Variants in FARP2 observed in about 807,000 individuals in gnomAD.
FARP2 encodes the protein FERM, ARH/RhoGEF and pleckstrin domain protein 2.
A neutral mutation model predicts 130.5 loss-of-function variants in FARP2; 111 were observed. The ratio of observed to expected loss-of-function variants is 0.85; its 90% CI spans 0.73 to 1.00. The LOEUF (loss-of-function observed/expected upper bound fraction) is 1.00, where lower values mean the gene tolerates loss of function less well. Ranked by LOEUF, FARP2 falls within the 50% of genes least tolerant of loss-of-function variation. The pLI, the probability that FARP2 is intolerant of heterozygous loss-of-function variation, is 0.00. For synonymous variants in FARP2, 504 were observed against 516.9 expected, an observed-to-expected ratio of 0.98 and a Z score of 0.34; for missense variants, 1,385 against 1,346.3, an observed-to-expected ratio of 1.03 and a Z score of -0.45.
Position 241,434,297 on chromosome 2 carries a change from G to A in FARP2, c.1007G>A (p.Ser336Asn). The A allele has an allele frequency of 6.2e-7, 1 of 1,612,726 alleles. No individual in the cohort carries two copies. Among genetic ancestry groups the A allele is most frequent in the Non-Finnish European group, 8.5e-7 (1 of 1,179,570 alleles). Reference protein sequence around the residue: ...PKPKAKAVFFSRGSSFRYSGR... With the variant: ...PKPKAKAVFFNRGSSFRYSGR... ...CCAAAAGCAAAAGCCGTCTTCTTCA[G>A]CCGGGGCTCCTCCTTCAGATACAGG... Residue 336 changes from serine to asparagine, a missense_variant, in exon 10 of 27, where the codon AGC (serine) becomes AAC (asparagine). Transcript: ENST00000264042.
chr2:241,450,141 C>T (rs750442607), intron 13 of FARP2, among the ~76,000 whole-genome samples: 6 of 152,162 alleles, frequency 3.9e-5, no homozygotes, highest in Middle Eastern at 3.4e-3. Context: ...CATTTTAGCC[C>T]AGGGAGGGAG....
intron 13 of FARP2, chr2:241,443,624 T>C (rs1333330625): frequency 6.6e-6 from 1 of 152,230 alleles, no homozygotes; most frequent in African/African-American, 2.4e-5. Context: ...TCAAGGCTGA[T>C]GTTTGTGGCA....
chr2:241,423,806 T>G (rs1203626048), intron 8 of FARP2, among the ~76,000 whole-genome samples: 1 of 152,124 alleles, frequency 6.6e-6, no homozygotes, highest in Non-Finnish European at 1.5e-5. Context: ...AAACAAGGCT[T>G]GCAATCCTAG....
At chr2:241,481,360 T>G (rs1210910858) in intron 19 of FARP2, among the ~76,000 whole-genome samples, 1 of 152,218 alleles carries the variant, frequency 6.6e-6, no homozygotes, top group African/African-American at 2.4e-5. Context: ...ACTCTCAACA[T>G]AAAAAATTGT....
intron 2 of FARP2, among the ~76,000 whole-genome samples, chr2:241,394,392 C>T (rs1414544293): frequency 6.6e-6 from 1 of 152,044 alleles, no homozygotes; most frequent in East Asian, 1.9e-4. Flanking sequence ...ATGGCGGGCA[C>T]CTGTAGTCCC....
chr2:241,468,019 C>A, intron 17 of FARP2, 121 bp from the exon 18 acceptor site: 1 of 753,192 alleles, frequency 1.3e-6, no homozygotes, highest in Admixed American at 1.9e-5. Context: ...CACGCTGGGC[C>A]ACTGGTCCAT....
At chr2:241,448,181 C>G (rs1162868149) in intron 13 of FARP2, among the ~76,000 whole-genome samples, 2 of 152,150 alleles carry the variant, frequency 1.3e-5, no homozygotes, top group Non-Finnish European at 2.9e-5. Flanking sequence ...CCAGGGGCCT[C>G]ACTTACCCCC....
chr2:241,417,013 G>A (rs1559750058), intron 7 of FARP2, among the ~76,000 whole-genome samples: 1 of 152,058 alleles, frequency 6.6e-6, no homozygotes, highest in South Asian at 2.1e-4. Context: ...AAGATGAAAA[G>A]GAGATGGCCG....
At chr2:241,492,240 G>T (rs2064945169) in intron 24 of FARP2, among the ~76,000 whole-genome samples, 1 of 152,134 alleles carries the variant, frequency 6.6e-6, no homozygotes, top group South Asian at 2.1e-4. Context: ...AGGGGCTCAG[G>T]AGCTACCCCA....
intron 18 of FARP2, among the ~76,000 whole-genome samples, chr2:241,473,892 A>T (rs1432665046): frequency 6.6e-6 from 1 of 152,228 alleles, no homozygotes; most frequent in Non-Finnish European, 1.5e-5. Context: ...GGTATCATTG[A>T]CAGAAAGTGA....
At chr2:241,438,281 A>G (rs948213457) in intron 12 of FARP2, among the ~76,000 whole-genome samples, 27 of 152,308 alleles carry the variant, frequency 1.8e-4, no homozygotes, top group African/African-American at 6.0e-4. Flanking sequence ...TGAACTGGGC[A>G]CAATGGCTCA....
rs751457751 is a variant in FARP2, at chr2:241,482,563, C to T, written c.2263-902C>T. On this transcript the variant is annotated intron_variant, in intron 19 of 26. Coordinates refer to ENST00000264042, the MANE Select transcript of FARP2 (RefSeq NM_014808.4). The surrounding 1 kb of genome is among the most constrained non-coding windows in gnomAD (Gnocchi z 4.6). ...TTAGTTACCGGCCCCATCCAGTTAA[C>T]GCAAATGCATCCATATGACCACCTT... is the stretch of plus-strand genomic sequence containing the variant. 9.2e-5 allele frequency among the ~76,000 whole-genome samples: 14 copies of T among 152,330 alleles called. No individual in the cohort carries two copies. Among genetic ancestry groups the T allele is most frequent in the East Asian group, 1.9e-4 (1 of 5,192 alleles).
rs996483828 is a variant in FARP2, at chr2:241,475,240, G to C, written c.2132-617G>C. Among the ~76,000 whole-genome samples, 10 of 152,350 alleles carry C rather than the reference G, an allele frequency of 6.6e-5. No homozygotes were observed. Among genetic ancestry groups the C allele is most frequent in the Admixed American group, 6.5e-4 (10 of 15,308 alleles). On this transcript the variant is annotated intron_variant, in intron 18 of 26. Transcript: ENST00000264042. This position sits in a 1 kb window ranked among gnomAD's most constrained non-coding sequence, Gnocchi z 4.4. Reference sequence around the variant, plus strand: ...AAACCAGAATATGGGCTGGCCAACAGTTTGGGTTGAACAACCTGAAGGCCT... The same window carrying C: ...AAACCAGAATATGGGCTGGCCAACACTTTGGGTTGAACAACCTGAAGGCCT...
In FARP2 at chr2:241,453,420, A is replaced by G. The variant is rs190355899; in HGVS notation, c.1412-3327A>G. On this transcript the variant is annotated intron_variant, in intron 13 of 26. Coordinates refer to ENST00000264042, the MANE Select transcript of FARP2 (RefSeq NM_014808.4). ...GGCAGATCACAAGGTCAGGAGATCG[A>G]GACCATCCTGGCTAACATGGTGAAA... Among the ~76,000 whole-genome samples the G allele has an allele frequency of 2.1e-3, 317 of 152,106 alleles. 2 individuals are homozygous for G. The highest frequency in any genetic ancestry group is 3.9e-3 in the Non-Finnish European group (262 of 68,008).
At chr2:241,477,423 C>T (rs930041365) in intron 19 of FARP2, among the ~76,000 whole-genome samples, 7 of 152,096 alleles carry the variant, frequency 4.6e-5, no homozygotes, top group Admixed American at 2.0e-4. Context: ...CCACCGTGCC[C>T]GGCCTCATGT....
At chr2:241,409,529 A>G (rs2062460149) in intron 5 of FARP2, among the ~76,000 whole-genome samples, 2 of 152,220 alleles carry the variant, frequency 1.3e-5, no homozygotes, top group African/African-American at 4.8e-5. Context: ...AGCCTGGGCA[A>G]TAGAGTGAGA....
At chr2:241,373,420 A>C in intron 2 of FARP2, 130 bp downstream of exon 2, 1 of 501,096 alleles carries the variant, frequency 2.0e-6, no homozygotes. Context: ...AACACATGAG[A>C]AAATCCTTAG....
chr2:241,479,009 CA>C, intron 19 of FARP2: 1 of 513,586 alleles, frequency 1.9e-6, no homozygotes, highest in Non-Finnish European at 3.6e-6. Flanking sequence ...ACAGTATTGA[CA>C]GCTGAAAAAA....
intron 1 of FARP2, among the ~76,000 whole-genome samples, chr2:241,359,132 A>C (rs2061128133): frequency 6.6e-6 from 1 of 152,234 alleles, no homozygotes; most frequent in Admixed American, 6.5e-5. Context: ...GTGTGTACAC[A>C]GCAATCATAG....
Sources: allele counts gnomAD v4.1 joint callset (sites outside exome capture counted in the v4.1 genomes callset), GRCh38; gene constraint gnomAD v4.1.1; non-coding constraint Gnocchi (gnomAD v3.1); transcripts MANE v1.5; gene names NCBI Gene and HGNC (gene_info 2026-07-23, HGNC 2026-07-21).